QKI: variants seen among roughly 807,000 people sequenced by gnomAD.
QKI encodes the protein KH domain-containing RNA-binding protein QKI.
QKI carries 10 observed loss-of-function variants against 39.0 expected under a neutral mutation model. That is an observed-to-expected ratio of 0.26 (90% confidence interval 0.16 to 0.43). The LOEUF is 0.43. Ranked by LOEUF, QKI falls within the 20% of genes least tolerant of loss-of-function variation. QKI has a pLI of 1.00. For synonymous variants in QKI, 204 were observed against 155.4 expected (o/e 1.31, Z -2.33); for missense variants, 218 against 428.0 (o/e 0.51, Z 4.33).
chr6:163,486,137 A>C (rs1777662207), intron 3 of QKI, among the ~76,000 whole-genome samples: 1 of 152,196 alleles, frequency 6.6e-6, no homozygotes, highest in Non-Finnish European at 1.5e-5. Context: ...ACACTCTTCC[A>C]ACGGAAATGG....
chr6:163,477,216 A>G (rs1316199406), intron 2 of QKI, among the ~76,000 whole-genome samples: 1 of 152,042 alleles, frequency 6.6e-6, no homozygotes, highest in Non-Finnish European at 1.5e-5. Flanking sequence ...GGGTTTCACC[A>G]TGTTGGCCAG....
chr6:163,566,617 A>G, intron 6 of QKI, 104 bp from the exon 7 acceptor site: 1 of 1,545,668 alleles, frequency 6.5e-7, no homozygotes, highest in Non-Finnish European at 8.7e-7. Flanking sequence ...AAACTTTTGT[A>G]GTAAATGAAC....
rs968038684 is a variant in QKI, at chr6:163,576,737, A to G, written c.*6027A>G. 6.6e-6 allele frequency: 1 copy of G among 152,208 alleles called. No homozygotes were observed. Among genetic ancestry groups the G allele is most frequent in the Non-Finnish European group, 1.5e-5 (1 of 68,040 alleles). 9.4% of individuals were successfully genotyped at this position (152,208 alleles called of 1,614,324 possible). On this transcript the variant is annotated 3_prime_UTR_variant, in exon 8 of 8. Coordinates refer to ENST00000361752, the MANE Select transcript of QKI (RefSeq NM_006775.3). ...AAAGTGCTGCTTATCCTCCACCCCC[A>G]GAAAATGCATGTATCAATATGAGAA...
At chr6:163,420,149 CTTTTCTTTT>C (rs1787869587) in intron 1 of QKI, among the ~76,000 whole-genome samples, 4 of 62,358 alleles carry the variant, frequency 6.4e-5, no homozygotes, top group African/African-American at 2.3e-4. Flanking sequence ...CTTTTCTTTT[CTTTTCTTTT>C]TTTTTTTTTT....
chr6:163,438,177 A>G (rs1292403655), intron 1 of QKI, among the ~76,000 whole-genome samples: 1 of 152,214 alleles, frequency 6.6e-6, no homozygotes, highest in African/African-American at 2.4e-5. Flanking sequence ...TTTTATGCCT[A>G]CAAAGTCTGG....
At chr6:163,494,113 C>A (rs1243046037) in intron 3 of QKI, among the ~76,000 whole-genome samples, 1 of 151,922 alleles carries the variant, frequency 6.6e-6, no homozygotes, top group Non-Finnish European at 1.5e-5. Flanking sequence ...ATTCAGCCAA[C>A]CACAGATCAA....
intron 2 of QKI, among the ~76,000 whole-genome samples, chr6:163,478,549 C>G (rs1194822333): frequency 3.3e-5 from 5 of 152,138 alleles, no homozygotes; most frequent in African/African-American, 1.2e-4. Context: ...GTATACTGTT[C>G]CCAGTTCATA....
At chr6:163,419,406 G>A (rs758746857) in intron 1 of QKI, among the ~76,000 whole-genome samples, 1 of 151,762 alleles carries the variant, frequency 6.6e-6, no homozygotes, top group Non-Finnish European at 1.5e-5. Flanking sequence ...CTTACAAAAA[G>A]GTTTTCTTTT....
rs555718079 is a variant in QKI at position 163,548,948 on chromosome 6, T to C, written c.547-13034T>C. On this transcript the variant is annotated intron_variant, in intron 4 of 7. Transcript: ENST00000361752. ...AATGGTGATTGACTAGAAGGTATCG[T>C]TTGTAACTCCAGAATTCTGACTTGT... is the stretch of plus-strand genomic sequence containing the variant. 1.9e-3 allele frequency among the ~76,000 whole-genome samples: 288 copies of C among 152,262 alleles called. 1 individual carries two copies. Among genetic ancestry groups the C allele is most frequent in the Non-Finnish European group, 3.4e-3 (230 of 68,012 alleles).
intron 4 of QKI, among the ~76,000 whole-genome samples, chr6:163,555,840 T>G (rs915623333): frequency 3.3e-5 from 5 of 152,174 alleles, no homozygotes; most frequent in African/African-American, 1.2e-4. Context: ...AGTTTTTTTT[T>G]AAAAGTATAT....
At chr6:163,569,680 T>C in intron 7 of QKI, 1 of 999,618 alleles carries the variant, frequency 1.0e-6, no homozygotes, top group Non-Finnish European at 1.2e-6. Flanking sequence ...TTTTTGTTAT[T>C]TTGCAAAAGA....
chr6:163,561,600 C>A (rs984883541), intron 4 of QKI, among the ~76,000 whole-genome samples: 1 of 151,976 alleles, frequency 6.6e-6, no homozygotes, highest in African/African-American at 2.4e-5. Context: ...AGAGCAAGAC[C>A]CTGTATCTAA....
At chr6:163,552,469 C>T (rs1032600131) in intron 4 of QKI, among the ~76,000 whole-genome samples, 3 of 152,048 alleles carry the variant, frequency 2.0e-5, no homozygotes, top group African/African-American at 4.8e-5. Flanking sequence ...CTCGGCCTCC[C>T]GAAGTGCTGG....
chr6:163,540,755 A>G (rs1312736630), intron 4 of QKI, among the ~76,000 whole-genome samples: 1 of 152,094 alleles, frequency 6.6e-6, no homozygotes, highest in African/African-American at 2.4e-5. Context: ...GATTTTGATG[A>G]TCAGTTTACT....
chr6:163,564,680 G>A, intron 6 of QKI: 1 of 1,613,984 alleles, frequency 6.2e-7, no homozygotes. Context: ...GGATTGAAAT[G>A]CCAGTCATGC....
At chr6:163,458,073 G>A (rs1207872211) in intron 2 of QKI, among the ~76,000 whole-genome samples, 2 of 152,124 alleles carry the variant, frequency 1.3e-5, no homozygotes, top group Non-Finnish European at 2.9e-5. Flanking sequence ...CTTGGGAAGT[G>A]TTGTAAGATG....
intron 4 of QKI, among the ~76,000 whole-genome samples, chr6:163,547,794 A>G (rs987194766): frequency 1.3e-5 from 2 of 152,066 alleles, no homozygotes; most frequent in Admixed American, 6.6e-5. Context: ...CCACAGATGG[A>G]GTAGGTCTGT....
At chr6:163,522,251 G>A (rs1352309661) in intron 3 of QKI, among the ~76,000 whole-genome samples, 1 of 152,110 alleles carries the variant, frequency 6.6e-6, no homozygotes, top group African/African-American at 2.4e-5. Flanking sequence ...CAAATAAATA[G>A]TTACTAGTCT....
At chr6:163,532,915 A>G (rs1274389201) in intron 3 of QKI, among the ~76,000 whole-genome samples, 1 of 151,832 alleles carries the variant, frequency 6.6e-6, no homozygotes, top group African/African-American at 2.4e-5. Flanking sequence ...GTTGTTCCCA[A>G]CTCTGTGTCA....
Sources: gnomAD v4.1 joint callset for allele counts (sites outside exome capture counted in the v4.1 genomes callset) on GRCh38, gnomAD v4.1.1 for gene constraint, MANE v1.5 for transcripts, NCBI Gene and HGNC (gene_info 2026-07-23, HGNC 2026-07-21) for gene names.